The following ANO2 variants were observed in gnomAD, a reference collection of about 807,000 sequenced individuals.
ANO2 encodes the protein anoctamin 2.
A neutral mutation model predicts 124.2 loss-of-function variants in ANO2; 101 were observed. That is an observed-to-expected ratio of 0.81 (90% CI 0.69 to 0.96). The LOEUF (loss-of-function observed/expected upper bound fraction) is 0.96, where lower values mean the gene tolerates loss of function less well. Among genes scored for constraint, ANO2 ranks in the 40% least tolerant of loss-of-function variants. The pLI is 0.00. For synonymous variants in ANO2, 486 were observed against 482.5 expected (o/e 1.01, Z -0.09); for missense variants, 1,293 against 1,274.5 (o/e 1.01, Z -0.22).
At chr12:5,763,331 A>C (rs1951791673) in intron 10 of ANO2, among the ~76,000 whole-genome samples, 1 of 152,118 alleles carries the variant, frequency 6.6e-6, no homozygotes, top group Non-Finnish European at 1.5e-5. Context: ...ATTCCTAAAA[A>C]TATGATATGT....
intron 10 of ANO2, among the ~76,000 whole-genome samples, chr12:5,797,836 C>G (rs970030427): frequency 6.6e-6 from 1 of 152,132 alleles, no homozygotes; most frequent in South Asian, 2.1e-4. Flanking sequence ...TCCAGTACAC[C>G]GTGCCCTGTC....
At chr12:5,883,186 A>C (rs1382138983) in intron 3 of ANO2, among the ~76,000 whole-genome samples, 1 of 151,884 alleles carries the variant, frequency 6.6e-6, no homozygotes, top group Non-Finnish European at 1.5e-5. Context: ...CCCGCCTAGC[A>C]TGCTGAAAAC....
At chr12:5,756,334 C>A (rs969064701) in intron 10 of ANO2, among the ~76,000 whole-genome samples, 1 of 151,908 alleles carries the variant, frequency 6.6e-6, no homozygotes, top group Non-Finnish European at 1.5e-5. Flanking sequence ...CTTTGTCAAG[C>A]AGATTATGGA....
chr12:5,701,810 T>A (rs1949415423), intron 14 of ANO2, among the ~76,000 whole-genome samples: 1 of 152,210 alleles, frequency 6.6e-6, no homozygotes, highest in Admixed American at 6.5e-5. Context: ...CTTCCTCTTT[T>A]TTCCCAAAGA....
intron 14 of ANO2, among the ~76,000 whole-genome samples, chr12:5,699,056 G>A (rs1949301746): frequency 6.6e-6 from 1 of 152,166 alleles, no homozygotes; most frequent in African/African-American, 2.4e-5. Context: ...AACCTAGCAA[G>A]GCAAGCCAAC....
At chr12:5,736,999 A>G (rs1950894623) in intron 13 of ANO2, among the ~76,000 whole-genome samples, 1 of 152,228 alleles carries the variant, frequency 6.6e-6, no homozygotes, top group African/African-American at 2.4e-5. Context: ...TAGACCAAAG[A>G]GCACCCTGCT....
At chr12:5,749,643 C>T (rs148403240) in intron 11 of ANO2, among the ~76,000 whole-genome samples, 8 of 152,348 alleles carry the variant, frequency 5.3e-5, no homozygotes, top group African/African-American at 1.9e-4. Context: ...AACCATGCTT[C>T]AGTTTGCAAA....
At chr12:5,663,565 T>C (rs1462142625) in intron 14 of ANO2, among the ~76,000 whole-genome samples, 1 of 152,106 alleles carries the variant, frequency 6.6e-6, no homozygotes, top group African/African-American at 2.4e-5. Flanking sequence ...CACCATCCCA[T>C]GTGGCAAGGA....
chr12:5,827,747 G>T (rs764153582), intron 7 of ANO2, 22 bp downstream of exon 7: 26 of 1,604,652 alleles, frequency 1.6e-5, no homozygotes, highest in Non-Finnish European at 2.2e-5. Flanking sequence ...TCAGCACCCT[G>T]CCCGCGGGCT....
At chr12:5,585,037 G>C (rs1943034591) in intron 20 of ANO2, among the ~76,000 whole-genome samples, 1 of 152,088 alleles carries the variant, frequency 6.6e-6, no homozygotes, top group African/African-American at 2.4e-5. Context: ...ATCCTTGACA[G>C]CCTCACGTGG....
intron 20 of ANO2, among the ~76,000 whole-genome samples, chr12:5,586,000 G>A (rs147291656): frequency 3.3e-5 from 5 of 152,312 alleles, no homozygotes; most frequent in African/African-American, 9.6e-5. Flanking sequence ...GAGCAGTAAC[G>A]TTTACTCTGA....
chr12:5,837,921 G>A (rs1452851116), intron 4 of ANO2, among the ~76,000 whole-genome samples: 2 of 151,908 alleles, frequency 1.3e-5, no homozygotes, highest in East Asian at 3.9e-4. Context: ...AATGAATCCA[G>A]GAGCTGGTTT....
At chr12:5,620,905 A>G (rs1338676533) in intron 16 of ANO2, among the ~76,000 whole-genome samples, 5 of 152,114 alleles carry the variant, frequency 3.3e-5, no homozygotes, top group African/African-American at 1.2e-4. Flanking sequence ...TAAGATCTTT[A>G]GCTTCTTAGG....
At chr12:5,660,740 A>C (rs77975905) in intron 14 of ANO2, among the ~76,000 whole-genome samples, 2,525 of 152,270 alleles carry the variant, frequency 0.017, 71 homozygotes, top group African/African-American at 0.057. Flanking sequence ...CTGATCACAG[A>C]ATTCATTTGC....
Position 5,563,232 on chromosome 12 carries a change from A to G in ANO2, c.*67T>C. The G allele has an allele frequency of 2.6e-6, 4 of 1,519,006 alleles. No individual in the cohort carries two copies. Among genetic ancestry groups the G allele is most frequent in the Non-Finnish European group, 3.5e-6 (4 of 1,136,020 alleles). The allele number at this position is 1,519,006 out of a possible 1,614,324, so 94.1% of individuals were successfully genotyped here. On this transcript the variant is annotated 3_prime_UTR_variant, in exon 25 of 25. Transcript: ENST00000682330. The stretch of plus-strand genomic sequence containing the variant: ...GACAGACAGCACGCCATGTGGGTGT[A>G]GGAACATGCTTACGTGCATGTGCGT...
At chr12:5,899,363 G>A (rs562730826) in intron 3 of ANO2, among the ~76,000 whole-genome samples, 30 of 152,214 alleles carry the variant, frequency 2.0e-4, no homozygotes, top group African/African-American at 6.0e-4. Flanking sequence ...AAAATCACAC[G>A]GTCCCTCAGA....
At chr12:5,703,718 T>A (rs1478110313) in intron 14 of ANO2, among the ~76,000 whole-genome samples, 4 of 152,100 alleles carry the variant, frequency 2.6e-5, no homozygotes, top group Non-Finnish European at 4.4e-5. Context: ...GGCTAGTTTT[T>A]AAAATTTTTT....
At chr12:5,783,909 T>G (rs1952471343) in intron 10 of ANO2, among the ~76,000 whole-genome samples, 1 of 152,168 alleles carries the variant, frequency 6.6e-6, no homozygotes, top group South Asian at 2.1e-4. Flanking sequence ...GAAAAGTAAC[T>G]AGGGGCAACT....
chr12:5,588,172 C>T (rs958132068), intron 20 of ANO2, among the ~76,000 whole-genome samples: 3 of 151,464 alleles, frequency 2.0e-5, no homozygotes, highest in African/African-American at 7.3e-5. Flanking sequence ...CCTTCTGGAA[C>T]GGGGGAGGTC....
Sources: gnomAD v4.1 joint callset for allele counts (sites outside exome capture counted in the v4.1 genomes callset) on GRCh38, gnomAD v4.1.1 for gene constraint, MANE v1.5 for transcripts, NCBI Gene and HGNC (gene_info 2026-07-23, HGNC 2026-07-21) for gene names.